Variants in SASH1 observed in about 807,000 individuals in gnomAD.
SASH1 encodes SAM and SH3 domain containing 1.
A neutral mutation model predicts 125.2 loss-of-function variants in SASH1; 44 were observed. The ratio of observed to expected loss-of-function variants is 0.35; its 90% CI spans 0.28 to 0.45. SASH1 has a LOEUF of 0.45. Among genes scored for constraint, SASH1 ranks in the 20% least tolerant of loss-of-function variants. SASH1 has a pLI of 1.00. For synonymous variants in SASH1, 639 were observed against 649.1 expected (o/e 0.98, Z 0.24); for missense variants, 1,426 against 1,614.5 (o/e 0.88, Z 2.00).
Position 148,544,050 on chromosome 6 carries a change from G to A in SASH1, c.2580G>A (p.Pro860=), listed in dbSNP as rs772928860. The A allele has an allele frequency of 1.1e-5, 17 of 1,613,984 alleles. No homozygotes were observed. The highest frequency in any genetic ancestry group is 5.0e-5 in the Admixed American group (3 of 60,018). The change falls in exon 18 of 20, where the codon CCG becomes CCA. Residue 860 remains proline, a synonymous_variant. Transcript: ENST00000367467. The surrounding 1 kb of genome is among the most constrained non-coding windows in gnomAD (Gnocchi z 6.4). ...ACGTGCCTACCGAGGTGACAGAACCGCCCCCTCAGATTGTACCTGAAGTGC... is the reference window on the plus strand; with the variant it reads ...ACGTGCCTACCGAGGTGACAGAACCACCCCCTCAGATTGTACCTGAAGTGC... ...EQDVPTEVTE[P]PPQIVPEVPQ... is the part of the protein sequence containing the mutation.
chr6:148,221,513 A>G, the SASH1 span, among the ~76,000 whole-genome samples: 3 of 150,950 alleles, frequency 2.0e-5, no homozygotes, highest in African/African-American at 5.0e-5. Context: ...TTTGGGGAAC[A>G]TATGATAATT....
intron 1 of SASH1, among the ~76,000 whole-genome samples, chr6:148,322,910 CTT>C (rs1562324095): frequency 9.1e-6 from 1 of 109,690 alleles, no homozygotes; most frequent in Non-Finnish European, 2.0e-5. Context: ...CTCTCTCTTT[CTT>C]TCTTTTTTCT....
chr6:148,301,786 G>A (rs1370472905), intron 1 of SASH1, among the ~76,000 whole-genome samples: 3 of 136,372 alleles, frequency 2.2e-5, no homozygotes, highest in Non-Finnish European at 4.7e-5. Flanking sequence ...GTAGAGATGG[G>A]GTCTTGCTAT....
At chr6:148,402,618 AT>A (rs60247173) in intron 2 of SASH1, among the ~76,000 whole-genome samples, 63 of 138,116 alleles carry the variant, frequency 4.6e-4, no homozygotes, top group Non-Finnish European at 5.3e-4. Flanking sequence ...CAAAAATGAC[AT>A]TTTTTTTTTT....
intron 4 of SASH1, among the ~76,000 whole-genome samples, chr6:148,466,399 G>A (rs913351664): frequency 3.9e-5 from 6 of 152,240 alleles, no homozygotes; most frequent in African/African-American, 1.4e-4. Flanking sequence ...ATGGCACCCA[G>A]TGGTCAGCCC....
chr6:148,297,115 G>C (rs1399428609), intron 1 of SASH1, among the ~76,000 whole-genome samples: 1 of 152,212 alleles, frequency 6.6e-6, no homozygotes, highest in African/African-American at 2.4e-5. Flanking sequence ...ACCCTGAAGA[G>C]AGTCTGTCGT....
chr6:148,258,575 C>T, the SASH1 span, among the ~76,000 whole-genome samples: 14 of 152,140 alleles, frequency 9.2e-5, no homozygotes, highest in Non-Finnish European at 2.9e-5. Context: ...TCTGAGATTA[C>T]CTTACTCCAC....
intron 2 of SASH1, among the ~76,000 whole-genome samples, chr6:148,405,416 CAG>C (rs1010057398): frequency 6.6e-6 from 1 of 152,112 alleles, no homozygotes; most frequent in African/African-American, 2.4e-5. Context: ...CAGAGGAAAA[CAG>C]AAAGTTCTGC....
At chr6:148,278,013 C>T (rs533488591) in intron 1 of SASH1, among the ~76,000 whole-genome samples, 71 of 151,900 alleles carry the variant, frequency 4.7e-4, no homozygotes, top group African/African-American at 1.5e-3. Context: ...CTGCTCCCGG[C>T]CTTGTTTTGT....
At chr6:148,452,796 C>T (rs1379623809) in intron 4 of SASH1, among the ~76,000 whole-genome samples, 1 of 152,192 alleles carries the variant, frequency 6.6e-6, no homozygotes, top group Non-Finnish European at 1.5e-5. Flanking sequence ...GTGCCATACA[C>T]ACAGAGCTTA....
At chr6:148,243,736 A>G in the SASH1 span, among the ~76,000 whole-genome samples, 2 of 150,986 alleles carry the variant, frequency 1.3e-5, no homozygotes, top group South Asian at 4.2e-4. Flanking sequence ...TTCCACCTTT[A>G]GCTCCCTAAA....
chr6:148,406,340 TAAAAA>T (rs35034809), intron 2 of SASH1, among the ~76,000 whole-genome samples: 4 of 148,412 alleles, frequency 2.7e-5, no homozygotes, highest in Non-Finnish European at 6.0e-5. Flanking sequence ...CTGCAAGAGA[TAAAAA>T]AAAAAGAAGT....
intron 1 of SASH1, among the ~76,000 whole-genome samples, chr6:148,366,956 G>A (rs1583031541): frequency 7.3e-6 from 1 of 136,704 alleles, no homozygotes; most frequent in East Asian, 2.2e-4. Context: ...GATGGATTCT[G>A]TAACTAGTGG....
intron 4 of SASH1, among the ~76,000 whole-genome samples, chr6:148,441,946 A>AT (rs1014148049): frequency 6.6e-6 from 1 of 152,164 alleles, no homozygotes; most frequent in African/African-American, 2.4e-5. Flanking sequence ...TAATATTGTC[A>AT]TTTTGCCTCT....
At chr6:148,275,655 C>T (rs183221667) in intron 1 of SASH1, among the ~76,000 whole-genome samples, 3 of 152,292 alleles carry the variant, frequency 2.0e-5, no homozygotes, top group Admixed American at 2.0e-4. Flanking sequence ...AGAAATTCCC[C>T]TCCCTAGCTC....
intron 2 of SASH1, among the ~76,000 whole-genome samples, chr6:148,418,350 C>T (rs867607719): frequency 4.6e-5 from 7 of 152,218 alleles, no homozygotes; most frequent in African/African-American, 1.4e-4. Context: ...TCTACGTGAT[C>T]CCTGACAAAA....
chr6:148,391,776 G>A (rs537538561), intron 2 of SASH1, among the ~76,000 whole-genome samples: 1 of 152,288 alleles, frequency 6.6e-6, no homozygotes, highest in African/African-American at 2.4e-5. Context: ...CAGTTTAAAT[G>A]TCTTACTATT....
intron 4 of SASH1, among the ~76,000 whole-genome samples, chr6:148,456,941 A>G (rs9498041): frequency 0.021 from 3,095 of 150,294 alleles, 111 homozygotes; most frequent in African/African-American, 0.072. Context: ...TAGGCTGCTT[A>G]AGCTCATAAG....
In SASH1 at chr6:148,477,528, A is replaced by G. The variant is rs1311787482; in HGVS notation, c.627+3306A>G. Among the ~76,000 whole-genome samples the G allele has an allele frequency of 6.3e-5, 9 of 142,582 alleles. No individual in the cohort carries two copies. In the East Asian group the frequency reaches 1.8e-3, roughly 28 times the overall value. 93.5% of individuals were successfully genotyped at this position (142,582 alleles called of 152,430 possible). ...TACAGTAAGATATCATCTCACCCCAATTAAAATGGCTTTGTGGGATGGAGT... is the reference window on the plus strand; with the variant it reads ...TACAGTAAGATATCATCTCACCCCAGTTAAAATGGCTTTGTGGGATGGAGT... On this transcript the variant is annotated intron_variant, in intron 7 of 19. Transcript: ENST00000367467.
Sources: allele counts gnomAD v4.1 joint callset (sites outside exome capture counted in the v4.1 genomes callset), GRCh38; gene constraint gnomAD v4.1.1; non-coding constraint Gnocchi (gnomAD v3.1); transcripts MANE v1.5; gene names NCBI Gene and HGNC (gene_info 2026-07-23, HGNC 2026-07-21).